RBFOX1: variants seen among roughly 807,000 people sequenced by gnomAD.
RBFOX1 encodes RNA binding protein fox-1 homolog 1.
In RBFOX1, 8 loss-of-function variants were observed where a neutral mutation model predicts 57.7. The ratio of observed to expected loss-of-function variants is 0.14; its 90% CI spans 0.08 to 0.25. The LOEUF (loss-of-function observed/expected upper bound fraction) is 0.25, where lower values mean the gene tolerates loss of function less well. RBFOX1 is among the 10% of genes least tolerant of loss of function. The probability of loss-of-function intolerance (pLI) is 1.00; values close to 1 mark genes in which losing one functional copy is unlikely to be tolerated. For missense variants in RBFOX1, 611 were observed against 548.5 expected (o/e 1.11, Z -1.14); for synonymous variants, 326 against 222.4 (o/e 1.47, Z -4.15).
chr16:6,122,922 C>T (rs2096562557), intron 1 of RBFOX1, among the ~76,000 whole-genome samples: 1 of 150,496 alleles, frequency 6.6e-6, no homozygotes, highest in Non-Finnish European at 1.5e-5. Context: ...GACTGAAATA[C>T]CACCAGTAGA....
intron 3 of RBFOX1, among the ~76,000 whole-genome samples, chr16:7,021,043 G>A (rs903567424): frequency 3.3e-5 from 5 of 152,246 alleles, no homozygotes; most frequent in African/African-American, 9.6e-5. Flanking sequence ...CAGGAGAATC[G>A]GTTGAACCTG....
At chr16:6,863,467 G>T (rs1300644140) in intron 3 of RBFOX1, among the ~76,000 whole-genome samples, 1 of 151,916 alleles carries the variant, frequency 6.6e-6, no homozygotes, top group East Asian at 1.9e-4. Context: ...TGCTACCTCT[G>T]AATTCATTAT....
intron 2 of RBFOX1, among the ~76,000 whole-genome samples, chr16:6,639,900 A>C (rs2098473487): frequency 6.6e-6 from 1 of 152,086 alleles, no homozygotes; most frequent in Non-Finnish European, 1.5e-5. Context: ...ACAAAAAACA[A>C]AACCAAAAAA....
intron 4 of RBFOX1, among the ~76,000 whole-genome samples, chr16:7,462,567 C>T (rs1235218368): frequency 6.6e-6 from 1 of 152,240 alleles, no homozygotes; most frequent in African/African-American, 2.4e-5. Flanking sequence ...GTAACTTCGG[C>T]ATGACTCAAC....
chr16:5,558,832 A>C (rs1876358), intron 2 of RBFOX1, among the ~76,000 whole-genome samples: 108,096 of 151,946 alleles, frequency 0.71, 38,593 homozygotes, highest in South Asian at 0.83. Context: ...GGTGTCAGAA[A>C]ACTAGAGCAG....
chr16:7,097,708 G>A (rs1417840975), intron 4 of RBFOX1, among the ~76,000 whole-genome samples: 1 of 152,140 alleles, frequency 6.6e-6, no homozygotes, highest in Non-Finnish European at 1.5e-5. Flanking sequence ...CCCCAAACTT[G>A]CACAATGATT....
chr16:7,439,020 G>T (rs1308381580), intron 4 of RBFOX1, among the ~76,000 whole-genome samples: 2 of 152,212 alleles, frequency 1.3e-5, no homozygotes, highest in African/African-American at 2.4e-5. Flanking sequence ...TGGTGGAGCA[G>T]AGTTCAGCGG....
intron 4 of RBFOX1, among the ~76,000 whole-genome samples, chr16:7,164,465 C>T (rs1439029628): frequency 6.6e-6 from 1 of 152,084 alleles, no homozygotes; most frequent in Admixed American, 6.6e-5. Context: ...ATTTCTTTTC[C>T]TCTGGGTGAA....
chr16:6,249,998 G>A (rs112673041), intron 1 of RBFOX1, among the ~76,000 whole-genome samples: 4 of 152,104 alleles, frequency 2.6e-5, no homozygotes, highest in African/African-American at 4.8e-5. Flanking sequence ...TTGTAGGTGC[G>A]GTAGAAAGGC....
At chr16:6,084,704 GA>G (rs1450849344) in intron 1 of RBFOX1, among the ~76,000 whole-genome samples, 1 of 152,174 alleles carries the variant, frequency 6.6e-6, no homozygotes, top group East Asian at 1.9e-4. Flanking sequence ...CCTTGGTTAG[GA>G]GATAAGGTCA....
chr16:5,394,771 A>G (rs939576281), intron 1 of RBFOX1, among the ~76,000 whole-genome samples: 4 of 150,316 alleles, frequency 2.7e-5, no homozygotes, highest in Non-Finnish European at 4.4e-5. Context: ...CTGGTCTTGA[A>G]CTCCCGGTCT....
intron 1 of RBFOX1, among the ~76,000 whole-genome samples, chr16:6,267,415 G>C (rs920204208): frequency 6.6e-6 from 1 of 152,050 alleles, no homozygotes; most frequent in Admixed American, 6.6e-5. Context: ...TTCCTTATAG[G>C]ACTTGAGGGG....
At chr16:7,527,043 A>C (rs1468568318) in intron 5 of RBFOX1, among the ~76,000 whole-genome samples, 4 of 152,168 alleles carry the variant, frequency 2.6e-5, no homozygotes, top group African/African-American at 9.7e-5. Context: ...AACATTACAG[A>C]CTTCGAGTGT....
At chr16:7,187,690 C>CAAAAAAAAAAAAAAAAAAAA (rs536529201) in intron 4 of RBFOX1, among the ~76,000 whole-genome samples, 3 of 72,566 alleles carry the variant, frequency 4.1e-5, no homozygotes, top group East Asian at 4.8e-4. Flanking sequence ...CTCTGTCTCA[C>CAAAAAAAAAAAAAAAAAAAA]AAAAAAAAAA....
chr16:5,637,352 G>A (rs996105165), intron 3 of RBFOX1, among the ~76,000 whole-genome samples: 1 of 152,144 alleles, frequency 6.6e-6, no homozygotes, highest in Non-Finnish European at 1.5e-5. Context: ...ATAGGTAAGT[G>A]GTCTCCAGAG....
At chr16:5,844,452 G>A (rs558690446) in intron 3 of RBFOX1, among the ~76,000 whole-genome samples, 134 of 152,302 alleles carry the variant, frequency 8.8e-4, no homozygotes, top group African/African-American at 3.0e-3. Context: ...GTTTGGCCAC[G>A]TGAGAGCAAT....
chr16:7,009,533 G>A lies in RBFOX1; in HGVS notation c.-15-42524G>A, dbSNP rs55655949. On this transcript the variant is annotated intron_variant, in intron 3 of 15. Transcript: ENST00000550418. ...AACAGACTTGCATTAATTGTGAAAT[G>A]GAAGGGATGATGCGATCAATGATAG... Among the ~76,000 whole-genome samples the A allele has an allele frequency of 9.3e-3, 1,415 of 152,182 alleles. 27 individuals carry two copies. The highest frequency in any genetic ancestry group is 0.032 in the African/African-American group (1,338 of 41,544).
At position 6,298,539 on chromosome 16, in the gene RBFOX1, G is replaced by T. The variant is rs376081381; in HGVS notation, c.-126-18456G>T. Among the ~76,000 whole-genome samples the T allele has an allele frequency of 2.2e-4, 33 of 152,288 alleles. No homozygotes were observed. The East Asian group carries it at 3.3e-3, about 15-fold the overall frequency. The stretch of plus-strand genomic sequence containing the variant: ...AAGCCTTGATTTCTTTTCAAATTCA[G>T]TTGAACGCAGCTGTAAAGTGCCTGA... On this transcript the variant is annotated intron_variant, in intron 1 of 15. Transcript: ENST00000550418.
chr16:5,300,368 G>T (rs2063773517), intron 1 of RBFOX1, among the ~76,000 whole-genome samples: 1 of 152,280 alleles, frequency 6.6e-6, no homozygotes, highest in South Asian at 2.1e-4. Context: ...GGGAGAAAGG[G>T]TGGGAGCGGG....
Sources: gnomAD v4.1 joint callset for allele counts (sites outside exome capture counted in the v4.1 genomes callset) on GRCh38, gnomAD v4.1.1 for gene constraint, MANE v1.5 for transcripts, NCBI Gene and HGNC (gene_info 2026-07-23, HGNC 2026-07-21) for gene names.